The following ULK4 variants were observed in gnomAD, a reference collection of about 807,000 sequenced individuals.
ULK4 encodes the protein unc-51 like kinase 4.
In ULK4, 133 loss-of-function variants were observed where a neutral mutation model predicts 160.6. The ratio of observed to expected loss-of-function variants is 0.83; its 90% confidence interval spans 0.72 to 0.96. The LOEUF is 0.96. Ranked by LOEUF, ULK4 falls within the 40% of genes least tolerant of loss-of-function variation. ULK4 has a pLI of 0.00. For missense variants in ULK4, 1,580 were observed against 1,499.5 expected (o/e 1.05, Z -0.89); for synonymous variants, 534 against 539.8 (o/e 0.99, Z 0.15).
At chr3:41,337,811 G>T (rs544537007) in intron 35 of ULK4, among the ~76,000 whole-genome samples, 1 of 152,210 alleles carries the variant, frequency 6.6e-6, no homozygotes, top group African/African-American at 2.4e-5. Context: ...AGCCCTCTGG[G>T]TTTCCTATCC....
intron 21 of ULK4, among the ~76,000 whole-genome samples, chr3:41,758,176 C>T (rs1169046956): frequency 6.6e-6 from 1 of 152,088 alleles, no homozygotes; most frequent in East Asian, 1.9e-4. Context: ...ACAATAGACA[C>T]CAAAGCTGCT....
At chr3:41,657,002 TAAG>T (rs2034959580) in intron 30 of ULK4, among the ~76,000 whole-genome samples, 1 of 152,106 alleles carries the variant, frequency 6.6e-6, no homozygotes, top group African/African-American at 2.4e-5. Context: ...ACTGTAAAAT[TAAG>T]GAGAGAGAAA....
chr3:41,251,851 A>G (rs1350258768), intron 35 of ULK4, among the ~76,000 whole-genome samples: 1 of 152,226 alleles, frequency 6.6e-6, no homozygotes, highest in Non-Finnish European at 1.5e-5. Flanking sequence ...AAACCCAGAG[A>G]ACCAGAAAGT....
At chr3:41,783,424 C>A (rs1158765655) in intron 21 of ULK4, among the ~76,000 whole-genome samples, 1 of 151,860 alleles carries the variant, frequency 6.6e-6, no homozygotes, top group Admixed American at 6.6e-5. Context: ...ATAACCCCAG[C>A]TACTTGGGAG....
intron 17 of ULK4, among the ~76,000 whole-genome samples, chr3:41,883,464 AG>A (rs1306721864): frequency 6.6e-6 from 1 of 152,264 alleles, no homozygotes; most frequent in Non-Finnish European, 1.5e-5. Flanking sequence ...TTAACGGAAT[AG>A]GTAGAAAGTA....
chr3:41,831,665 C>T (rs111967505), intron 18 of ULK4, among the ~76,000 whole-genome samples: 18,775 of 151,848 alleles, frequency 0.12, 1,342 homozygotes, highest in Middle Eastern at 0.27. Context: ...GCCCCAAATG[C>T]ATTTGGTAAT....
chr3:41,520,481 T>A (rs1049324933), intron 32 of ULK4, among the ~76,000 whole-genome samples: 6 of 152,236 alleles, frequency 3.9e-5, no homozygotes. Context: ...CATGAGTTGT[T>A]TCCATCTTTG....
intron 32 of ULK4, among the ~76,000 whole-genome samples, chr3:41,481,275 G>A (rs1350792591): frequency 6.6e-6 from 1 of 152,120 alleles, no homozygotes; most frequent in Non-Finnish European, 1.5e-5. Context: ...TTAAACTGCA[G>A]TGTCTTGTTC....
At chr3:41,257,038 G>A (rs376004674) in intron 35 of ULK4, among the ~76,000 whole-genome samples, 19 of 152,198 alleles carry the variant, frequency 1.2e-4, no homozygotes, top group Admixed American at 3.3e-4. Flanking sequence ...AAAAGAACTC[G>A]TCAAATTCAA....
At chr3:41,617,290 T>G (rs920189517) in intron 30 of ULK4, among the ~76,000 whole-genome samples, 82 of 152,198 alleles carry the variant, frequency 5.4e-4, no homozygotes, top group African/African-American at 1.9e-3. Context: ...GGCTGCCTCC[T>G]CAAGTGGGTC....
intron 35 of ULK4, among the ~76,000 whole-genome samples, chr3:41,264,049 G>A (rs1178090647): frequency 6.6e-6 from 1 of 152,210 alleles, no homozygotes; most frequent in East Asian, 1.9e-4. Flanking sequence ...GGTCAGCCAG[G>A]ACAGTCTCCC....
At chr3:41,407,782 T>C (rs1575522879) in intron 34 of ULK4, among the ~76,000 whole-genome samples, 1 of 152,124 alleles carries the variant, frequency 6.6e-6, no homozygotes, top group African/African-American at 2.4e-5. Context: ...TGAACTCCCT[T>C]CCCCTAAGAT....
At chr3:41,444,489 A>G (rs546232642) in intron 34 of ULK4, among the ~76,000 whole-genome samples, 1 of 152,190 alleles carries the variant, frequency 6.6e-6, no homozygotes, top group East Asian at 1.9e-4. Flanking sequence ...ATTCTGCCCA[A>G]TTCTCACATC....
intron 27 of ULK4, among the ~76,000 whole-genome samples, chr3:41,699,858 C>T (rs1479285917): frequency 2.0e-5 from 3 of 152,134 alleles, no homozygotes; most frequent in African/African-American, 4.8e-5. Flanking sequence ...TGCAATAATA[C>T]CTCTTCTAAT....
At chr3:41,645,500 T>G (rs1200617377) in intron 30 of ULK4, among the ~76,000 whole-genome samples, 1 of 152,162 alleles carries the variant, frequency 6.6e-6, no homozygotes, top group African/African-American at 2.4e-5. Flanking sequence ...AGTGGAGTGG[T>G]TTTCAGTGAG....
At chr3:41,844,803 AAAAAAAAACAGCAACT>A in intron 17 of ULK4, among the ~76,000 whole-genome samples, 1 of 152,060 alleles carries the variant, frequency 6.6e-6, no homozygotes, top group South Asian at 2.1e-4. Context: ...AAAAAAAAAA[AAAAAAAAACAGCAACT>A]AAATATGCAA....
At chr3:41,475,165 AAG>A (rs1421749083) in intron 32 of ULK4, among the ~76,000 whole-genome samples, 49 of 152,244 alleles carry the variant, frequency 3.2e-4, no homozygotes, top group Non-Finnish European at 4.4e-5. Context: ...AGCCTTAAAA[AAG>A]AAAAAATTCT....
At chr3:41,851,366 T>C (rs1475573355) in intron 17 of ULK4, among the ~76,000 whole-genome samples, 3 of 152,244 alleles carry the variant, frequency 2.0e-5, no homozygotes, top group African/African-American at 7.2e-5. Context: ...TCTGTTTATA[T>C]GCTGGATTAC....
rs549995941 is a variant in ULK4 at position 41,297,448 on chromosome 3, T to C, written c.3679-47874A>G. On this transcript the variant is annotated intron_variant, in intron 35 of 36. Coordinates refer to ENST00000301831, the MANE Select transcript of ULK4 (RefSeq NM_017886.4). The stretch of plus-strand genomic sequence containing the variant: ...ACTGGCAAAACAGGGGCCGAACTGA[T>C]GCTGATGCTGAGCCCACTTAAAAGT... Among the ~76,000 whole-genome samples the C allele has an allele frequency of 4.7e-3, 711 of 152,334 alleles. 1 individual carries two copies. The highest frequency in any genetic ancestry group is 7.4e-3 in the Non-Finnish European group (503 of 68,038).
Sources: gnomAD v4.1 joint callset for allele counts (sites outside exome capture counted in the v4.1 genomes callset) on GRCh38, gnomAD v4.1.1 for gene constraint, MANE v1.5 for transcripts, NCBI Gene and HGNC (gene_info 2026-07-23, HGNC 2026-07-21) for gene names.